PRDM16: variants seen among roughly 807,000 people sequenced by gnomAD.
The protein encoded by PRDM16 is histone-lysine N-methyltransferase PRDM16.
PRDM16 carries 23 observed loss-of-function variants against 110.6 expected under a neutral mutation model. The observed-to-expected ratio is 0.21, with a 90% CI of 0.15 to 0.29. PRDM16 has a LOEUF of 0.29. Among genes scored for constraint, PRDM16 ranks in the 10% least tolerant of loss-of-function variants. The pLI is 1.00. For synonymous variants in PRDM16, 799 were observed against 781.8 expected, an observed-to-expected ratio of 1.02 and a Z score of -0.37; for missense variants, 1,615 against 1,794.3, an observed-to-expected ratio of 0.90 and a Z score of 1.81.
intron 1 of PRDM16, among the ~76,000 whole-genome samples, chr1:3,088,345 CAG>C (rs1220413781): frequency 6.6e-6 from 1 of 152,180 alleles, no homozygotes; most frequent in Admixed American, 6.5e-5. Flanking sequence ...TGCATTCAAT[CAG>C]GGAGCTGGGG....
intron 1 of PRDM16, among the ~76,000 whole-genome samples, chr1:3,181,088 CCTTACACACGCAGT>C (rs1205256428): frequency 1.0e-3 from 68 of 66,844 alleles, no homozygotes; most frequent in African/African-American, 2.9e-3. Flanking sequence ...TTACACACGG[CCTTACACACGCAGT>C]CTTACACGCG....
At chr1:3,130,138 G>A (rs1321781150) in intron 1 of PRDM16, among the ~76,000 whole-genome samples, 1 of 152,144 alleles carries the variant, frequency 6.6e-6, no homozygotes, top group Non-Finnish European at 1.5e-5. Context: ...GGGGCTTGGG[G>A]ACAGCTAGTG....
At chr1:3,270,691 C>T (rs1185831724) in intron 3 of PRDM16, among the ~76,000 whole-genome samples, 2 of 132,590 alleles carry the variant, frequency 1.5e-5, no homozygotes, top group African/African-American at 2.9e-5. Context: ...GGAGGACAGT[C>T]GGGGAGGACA....
At chr1:3,304,230 A>C (rs1299848064) in intron 3 of PRDM16, among the ~76,000 whole-genome samples, 3 of 130,214 alleles carry the variant, frequency 2.3e-5, no homozygotes, top group Non-Finnish European at 4.8e-5. Context: ...CTTCTGAGGG[A>C]TGTGCTGGGG....
chr1:3,139,287 C>A (rs568583014), intron 1 of PRDM16, among the ~76,000 whole-genome samples: 2 of 152,338 alleles, frequency 1.3e-5, no homozygotes, highest in South Asian at 4.1e-4. Context: ...CACCTGCCTT[C>A]CTTCCTCCTG....
At chr1:3,194,640 C>T (rs1480096789) in intron 2 of PRDM16, among the ~76,000 whole-genome samples, 2 of 147,298 alleles carry the variant, frequency 1.4e-5, no homozygotes, top group Middle Eastern at 3.5e-3. Context: ...ACCGTCTCCC[C>T]GCCACACGCC....
chr1:3,128,372 T>C (rs1304477083), intron 1 of PRDM16, among the ~76,000 whole-genome samples: 1 of 152,184 alleles, frequency 6.6e-6, no homozygotes, highest in Non-Finnish European at 1.5e-5. Context: ...GTGGCATTTA[T>C]AGTATTCGGG....
chr1:3,262,684 C>T (rs1484643945), intron 3 of PRDM16, among the ~76,000 whole-genome samples: 1 of 152,248 alleles, frequency 6.6e-6, no homozygotes, highest in Non-Finnish European at 1.5e-5. Context: ...ACAGGACACA[C>T]ATGTGCTCTT....
rs573285914 is a variant in PRDM16, at chr1:3,253,257, A to G, written c.438+9120A>G. Among the ~76,000 whole-genome samples, 32 of 151,906 alleles carry G rather than the reference A, an allele frequency of 2.1e-4. No individual in the cohort carries two copies. The East Asian group carries it at 3.3e-3, about 16-fold the overall frequency. The stretch of plus-strand genomic sequence containing the variant: ...GTTTTAGGGTACATGTGCACAATGT[A>G]CAGGTTAGTTACATATGTATACATG... On this transcript the variant is annotated intron_variant, in intron 3 of 16. Coordinates refer to ENST00000270722, the MANE Select transcript of PRDM16 (RefSeq NM_022114.4).
rs1569855056 is a variant in PRDM16 at position 3,212,699 on chromosome 1, G to GCGGTCCTCCCGCTCATCCTC, written c.387+26226_387+26227insGGTCCTCCCGCTCATCCTCC. On this transcript the variant is annotated intron_variant, in intron 2 of 16. Coordinates refer to ENST00000270722, the MANE Select transcript of PRDM16 (RefSeq NM_022114.4). ...CGGCCCCCTCGCTGCGGTCCTCTCT[G>GCGGTCCTCCCGCTCATCCTC]CCACTGTGGATGGGCTTCACACAAA... is the stretch of plus-strand genomic sequence containing the variant. Among the ~76,000 whole-genome samples the GCGGTCCTCCCGCTCATCCTC allele has an allele frequency of 6.7e-5, 5 of 75,070 alleles. No homozygotes were observed. The African/African-American group carries it at 9.1e-4, about 14-fold the overall frequency. 49.2% of individuals were successfully genotyped at this position (75,070 alleles called of 152,430 possible). A position where few individuals can be genotyped will look rare whatever the true frequency, so the allele number is the denominator to read the frequency against.
chr1:3,416,164 T>C (rs1436485552), intron 10 of PRDM16, among the ~76,000 whole-genome samples: 1 of 152,204 alleles, frequency 6.6e-6, no homozygotes, highest in Non-Finnish European at 1.5e-5. Flanking sequence ...CTGGGTATTT[T>C]TATCGTAACC....
intron 3 of PRDM16, chr1:3,307,725 A>C (rs1245499913): frequency 6.6e-6 from 1 of 152,184 alleles, no homozygotes; most frequent in African/African-American, 2.4e-5. Context: ...TTAAAGCTCA[A>C]GGATTTTACA....
intron 1 of PRDM16, among the ~76,000 whole-genome samples, chr1:3,132,514 G>C (rs1481743956): frequency 6.6e-6 from 1 of 152,196 alleles, no homozygotes; most frequent in Non-Finnish European, 1.5e-5. Context: ...CTCACCCTGA[G>C]TCCCTGGAAT....
chr1:3,129,654 G>A (rs1483151859), intron 1 of PRDM16, among the ~76,000 whole-genome samples: 12 of 152,166 alleles, frequency 7.9e-5, no homozygotes, highest in African/African-American at 2.4e-4. Flanking sequence ...CCGCAGTTAC[G>A]TGGGAGAGCC....
intron 2 of PRDM16, among the ~76,000 whole-genome samples, chr1:3,233,552 G>T (rs1323699073): frequency 1.3e-5 from 2 of 152,182 alleles, no homozygotes; most frequent in Non-Finnish European, 2.9e-5. Flanking sequence ...AAACCATTCC[G>T]CCAGCATCCT....
At chr1:3,070,219 C>T (rs1422710307) in intron 1 of PRDM16, among the ~76,000 whole-genome samples, 2 of 151,538 alleles carry the variant, frequency 1.3e-5, no homozygotes, top group Non-Finnish European at 3.0e-5. Flanking sequence ...CTTACTTTCT[C>T]TTTCGCTCCG....
At position 3,436,661 on chromosome 1, in the gene PRDM16, G is replaced by A. The variant is rs964827358; in HGVS notation, c.*2850G>A. The stretch of plus-strand genomic sequence containing the variant: ...CAGTTTTGCTCTGCCCAGCAGTGTT[G>A]GTGCCCAGAGATGACAAGGGCCAGG... On this transcript the variant is annotated 3_prime_UTR_variant, in exon 17 of 17. Transcript: ENST00000270722. 1.3e-5 allele frequency: 3 copies of A among 229,770 alleles called. No individual in the cohort carries two copies. The highest frequency in any genetic ancestry group is 2.2e-5 in the African/African-American group (1 of 44,850). The allele number at this position is 229,770 out of a possible 1,614,324, so 14.2% of individuals were successfully genotyped here.
chr1:3,136,231 A>G (rs1358966735), intron 1 of PRDM16, among the ~76,000 whole-genome samples: 1 of 152,158 alleles, frequency 6.6e-6, no homozygotes, highest in Non-Finnish European at 1.5e-5. Context: ...GCGTAGCTGA[A>G]GTGGAACCTG....
intron 3 of PRDM16, among the ~76,000 whole-genome samples, chr1:3,356,857 G>A (rs572977352): frequency 1.3e-5 from 2 of 152,168 alleles, no homozygotes; most frequent in East Asian, 3.9e-4. Context: ...AAACTGTAGG[G>A]ACCCTCAGAA....
Sources: gnomAD v4.1 joint callset for allele counts (sites outside exome capture counted in the v4.1 genomes callset) on GRCh38, gnomAD v4.1.1 for gene constraint, MANE v1.5 for transcripts, NCBI Gene and HGNC (gene_info 2026-07-23, HGNC 2026-07-21) for gene names.